PDCD4: variants seen among roughly 807,000 people sequenced by gnomAD.
PDCD4 encodes programmed cell death 4, also known as programmed cell death protein 4.
In PDCD4, 56 loss-of-function variants were observed where a neutral mutation model predicts 54.0. The ratio of observed to expected loss-of-function variants is 1.04; its 90% CI spans 0.84 to 1.30. The LOEUF (loss-of-function observed/expected upper bound fraction) is 1.30, where lower values mean the gene tolerates loss of function less well. Ranked by LOEUF, PDCD4 falls within the 50% of genes most tolerant of loss-of-function variation. The pLI is 0.00. For missense variants in PDCD4, 584 were observed against 559.8 expected (o/e 1.04, Z -0.44); for synonymous variants, 186 against 194.8 (o/e 0.95, Z 0.37).
Position 110,881,266 on chromosome 10 carries a change from G to T in PDCD4, c.77G>T (p.Gly26Val), listed in dbSNP as rs772371476. Reference sequence around the variant, plus strand: ...AACTTAAGTGACTCTCTCTTTTCCGGTGATGAAGAAAATGCTGGGACTGAG... The same window carrying T: ...AACTTAAGTGACTCTCTCTTTTCCGTTGATGAAGAAAATGCTGGGACTGAG... Reference protein sequence around the residue: ...PDNLSDSLFSGDEENAGTEEI... With the variant: ...PDNLSDSLFSVDEENAGTEEI... Residue 26 changes from glycine to valine, a missense_variant, in exon 3 of 12, where the codon GGT (glycine) becomes GTT (valine). Gly to Val is a moderately radical substitution (Grantham distance 109). Coordinates refer to ENST00000280154, the MANE Select transcript of PDCD4 (RefSeq NM_014456.5). 6.2e-7 allele frequency: 1 copy of T among 1,613,190 alleles called. No homozygotes were observed. Among genetic ancestry groups the T allele is most frequent in the East Asian group, 2.2e-5 (1 of 44,874 alleles).
At position 110,890,560 on chromosome 10, in the gene PDCD4, G is replaced by A; in HGVS notation, c.880G>A (p.Ala294Thr). The A allele has an allele frequency of 6.2e-7, 1 of 1,603,676 alleles. No individual in the cohort carries two copies. Among genetic ancestry groups the A allele is most frequent in the South Asian group, 1.1e-5 (1 of 89,968 alleles). Residue 294 changes from alanine to threonine, a missense_variant, in exon 8 of 12, where the codon GCT becomes ACT. Physicochemically the swap from Ala to Thr is moderately conservative, Grantham distance 58. Coordinates refer to ENST00000280154, the MANE Select transcript of PDCD4 (RefSeq NM_014456.5). Reference protein sequence around the residue: ...GTVDCVQARAALDKATVLLSM... With the variant: ...GTVDCVQARATLDKATVLLSM... ...AATTTTTTTCTTTCTCTGTAGAGCT[G>A]CTCTGGATAAGGCTACCGTGCTTCT...
intron 4 of PDCD4, among the ~76,000 whole-genome samples, chr10:110,883,407 G>A (rs1416830247): frequency 6.6e-6 from 1 of 152,072 alleles, no homozygotes; most frequent in Non-Finnish European, 1.5e-5. Context: ...ACAGATATTA[G>A]ATTCCTTTTA....
intron 9 of PDCD4, 76 bp downstream of exon 9, chr10:110,894,274 T>G: frequency 1.1e-6 from 1 of 949,400 alleles, no homozygotes; most frequent in Non-Finnish European, 1.7e-6. Flanking sequence ...GCTTTTTAAA[T>G]AATGTACATC....
intron 1 of PDCD4, among the ~76,000 whole-genome samples, chr10:110,873,679 G>T (rs966347722): frequency 1.3e-5 from 2 of 152,066 alleles, no homozygotes; most frequent in African/African-American, 4.8e-5. Context: ...GCCAATTAAG[G>T]GTTGTTAAAT....
intron 2 of PDCD4, 55 bp downstream of exon 2, chr10:110,876,125 T>G (rs1245544647): frequency 1.4e-6 from 2 of 1,448,092 alleles, no homozygotes; most frequent in African/African-American, 2.8e-5. Context: ...AGGATCTTGC[T>G]CTGTCACCCA....
intron 4 of PDCD4, among the ~76,000 whole-genome samples, chr10:110,883,839 T>C (rs1230164803): frequency 6.6e-6 from 1 of 152,220 alleles, no homozygotes; most frequent in African/African-American, 2.4e-5. Flanking sequence ...GTTGTATGTA[T>C]GTATTTAAGT....
At chr10:110,886,171 A>G (rs1380717388) in intron 5 of PDCD4, among the ~76,000 whole-genome samples, 1 of 152,194 alleles carries the variant, frequency 6.6e-6, no homozygotes, top group Non-Finnish European at 1.5e-5. Flanking sequence ...ATGTAAACAG[A>G]TTATTAAAAT....
intron 8 of PDCD4, 125 bp from the exon 9 acceptor site, chr10:110,893,966 T>G (rs947774254): frequency 3.4e-6 from 2 of 589,934 alleles, no homozygotes; most frequent in East Asian, 5.6e-5. Context: ...ATCCAATGTA[T>G]ATGTTATTAG....
At position 110,898,066 on chromosome 10, in the gene PDCD4, G is replaced by A. The variant is rs1407754128; in HGVS notation, c.1388G>A (p.Arg463His). ...KRFVSEGDGGRLKPESY is the reference protein window; with the variant it reads ...KRFVSEGDGGHLKPESY ...TTTGTAAGCGAAGGAGATGGAGGTC[G>A]TCTTAAACCAGAGAGCTACTGAATA... Residue 463 changes from arginine (R) to histidine (H), a missense_variant, in exon 12 of 12, where the codon CGT (arginine) becomes CAT (histidine). Transcript: ENST00000280154. 3 of 1,585,900 alleles carry A rather than the reference G, an allele frequency of 1.9e-6. No homozygotes were observed. Among genetic ancestry groups the A allele is most frequent in the Non-Finnish European group, 8.6e-7 (1 of 1,164,208 alleles).
chr10:110,890,773 G>T, intron 8 of PDCD4, 103 bp downstream of exon 8: 1 of 537,418 alleles, frequency 1.9e-6, no homozygotes, highest in Non-Finnish European at 3.2e-6. Flanking sequence ...ATTAAGTTCG[G>T]TCTTACAGCT....
chr10:110,888,995 G>A (rs1283794635), intron 6 of PDCD4, among the ~76,000 whole-genome samples: 6 of 151,872 alleles, frequency 4.0e-5, no homozygotes, highest in African/African-American at 1.5e-4. Flanking sequence ...ACTTTGGGAG[G>A]CCGAGGCAGG....
chr10:110,883,352 ATAG>A (rs1410811514), intron 4 of PDCD4, among the ~76,000 whole-genome samples: 1 of 152,178 alleles, frequency 6.6e-6, no homozygotes, highest in Non-Finnish European at 1.5e-5. Flanking sequence ...GTTTGTTTCT[ATAG>A]TAATGATAAT....
intron 6 of PDCD4, 109 bp downstream of exon 6, chr10:110,887,995 A>G (rs1202759031): frequency 3.1e-6 from 2 of 643,916 alleles, no homozygotes; most frequent in East Asian, 5.4e-5. Flanking sequence ...GATGGCCAAC[A>G]TTTCCTACGA....
At chr10:110,891,176 G>T (rs1250959804) in intron 8 of PDCD4, among the ~76,000 whole-genome samples, 1 of 151,934 alleles carries the variant, frequency 6.6e-6, no homozygotes, top group Non-Finnish European at 1.5e-5. Flanking sequence ...AGGCTGAGGC[G>T]GGTGGATTGC....
At chr10:110,876,798 A>T in intron 2 of PDCD4, 1 of 668,884 alleles carries the variant, frequency 1.5e-6, no homozygotes, top group Non-Finnish European at 2.4e-6. Context: ...AGTTTTAAAA[A>T]TAATCTCCCA....
At chr10:110,897,926 G>A in intron 11 of PDCD4, 102 bp from the exon 12 acceptor site, 1 of 677,536 alleles carries the variant, frequency 1.5e-6, no homozygotes, top group Non-Finnish European at 2.3e-6. Context: ...CCCTTTAAAA[G>A]CTAACACGTA....
rs1431710867 is a variant in PDCD4, at chr10:110,898,916, TAC to T, written c.*831_*832del. 1.3e-5 allele frequency: 2 copies of T among 152,296 alleles called. No homozygotes were observed. The highest frequency in any genetic ancestry group is 4.8e-5 in the African/African-American group (2 of 41,454). 9.4% of individuals were successfully genotyped at this position (152,296 alleles called of 1,614,324 possible). ...GAAAAATACAATAGTAAATTAAGAT[TAC>T]ACTGGGGAAAAAAATGCAGGTATCA... On this transcript the variant is annotated 3_prime_UTR_variant, in exon 12 of 12. Coordinates refer to ENST00000280154, the MANE Select transcript of PDCD4 (RefSeq NM_014456.5).
chr10:110,891,406 CAAAAAAAAAA>C, intron 8 of PDCD4, among the ~76,000 whole-genome samples: 1 of 68,706 alleles, frequency 1.5e-5, no homozygotes, highest in East Asian at 5.1e-4. Context: ...GACTCTGTCT[CAAAAAAAAAA>C]AAAAAAAAAA....
In PDCD4 at chr10:110,887,777, T is replaced by C. The variant is rs1590733652; in HGVS notation, c.668T>C (p.Leu223Pro). ...ASHREMTSKL[L>P]SDLCGTVMST... is the part of the protein sequence containing the mutation. ...CATAGAGAGATGACATCTAAGCTTC[T>C]TTCTGACCTTTGTGGGACAGTAATG... is the stretch of plus-strand genomic sequence containing the variant. Residue 223 changes from leucine to proline, a missense_variant, in exon 6 of 12, where the codon CTT becomes CCT. By Grantham distance (98) the Leu-to-Pro change is moderately conservative. Transcript: ENST00000280154. 6.2e-7 allele frequency: 1 copy of C among 1,613,758 alleles called. No homozygotes were observed. The highest frequency in any genetic ancestry group is 8.5e-7 in the Non-Finnish European group (1 of 1,179,654).
Sources: gnomAD v4.1 joint callset for allele counts (sites outside exome capture counted in the v4.1 genomes callset) on GRCh38, gnomAD v4.1.1 for gene constraint, MANE v1.5 for transcripts, NCBI Gene and HGNC (gene_info 2026-07-23, HGNC 2026-07-21) for gene names.